Variants in MRPS28 observed in about 807,000 individuals in gnomAD.
MRPS28 encodes small ribosomal subunit protein bS1m.
MRPS28 carries 7 observed loss-of-function variants against 10.8 expected under a neutral mutation model. The ratio of observed to expected loss-of-function variants is 0.65; its 90% CI spans 0.37 to 1.22. The LOEUF (loss-of-function observed/expected upper bound fraction) is 1.22. Ranked by LOEUF, MRPS28 falls within the 50% of genes most tolerant of loss-of-function variation. MRPS28 has a pLI of 0.02. For missense variants in MRPS28, 265 were observed against 232.9 expected, an observed-to-expected ratio of 1.14 and a Z score of -0.90; for synonymous variants, 121 against 93.3, an observed-to-expected ratio of 1.30 and a Z score of -1.71.
intron 1 of MRPS28, among the ~76,000 whole-genome samples, chr8:80,013,499 T>C (rs1809109940): frequency 6.6e-6 from 1 of 150,994 alleles, no homozygotes; most frequent in African/African-American, 2.4e-5. Context: ...CCGGGTGAGG[T>C]GGTGCATGCC....
chr8:79,924,237 AT>A (rs1420874479), intron 2 of MRPS28, among the ~76,000 whole-genome samples: 1 of 152,358 alleles, frequency 6.6e-6, no homozygotes, highest in African/African-American at 2.4e-5. Context: ...AATCATTCAG[AT>A]ATTTTTCTGG....
At chr8:79,964,542 G>A (rs77071214) in intron 2 of MRPS28, among the ~76,000 whole-genome samples, 1 of 152,056 alleles carries the variant, frequency 6.6e-6, no homozygotes, top group Non-Finnish European at 1.5e-5. Flanking sequence ...ATGTGTTTTG[G>A]AATTAGACTA....
At chr8:79,936,407 G>C (rs1806606736) in intron 2 of MRPS28, among the ~76,000 whole-genome samples, 1 of 151,886 alleles carries the variant, frequency 6.6e-6, no homozygotes, top group East Asian at 1.9e-4. Flanking sequence ...TGGGCTAGTT[G>C]AGATTTTAAA....
chr8:80,020,267 C>T (rs1301206882), intron 1 of MRPS28, among the ~76,000 whole-genome samples: 3 of 152,102 alleles, frequency 2.0e-5, no homozygotes, highest in Non-Finnish European at 2.9e-5. Flanking sequence ...ATGTTTCTTA[C>T]TAGACTTAAA....
At chr8:79,963,519 T>C (rs1763420234) in intron 2 of MRPS28, among the ~76,000 whole-genome samples, 1 of 152,118 alleles carries the variant, frequency 6.6e-6, no homozygotes, top group African/African-American at 2.4e-5. Context: ...TAGCCTATGA[T>C]TACCCCCTTT....
chr8:79,998,068 A>AG (rs398008492), intron 2 of MRPS28, among the ~76,000 whole-genome samples: 1 of 150,316 alleles, frequency 6.7e-6, no homozygotes, highest in Non-Finnish European at 1.5e-5. Context: ...AAAAAAAAAA[A>AG]GAAAGAAAGA....
intron 2 of MRPS28, among the ~76,000 whole-genome samples, chr8:79,994,014 A>G (rs1039877620): frequency 2.6e-5 from 4 of 152,206 alleles, no homozygotes; most frequent in African/African-American, 9.6e-5. Context: ...GAAACCCTTC[A>G]ATTTTCAGAG....
At chr8:79,936,383 T>A (rs899492297) in intron 2 of MRPS28, among the ~76,000 whole-genome samples, 5 of 151,448 alleles carry the variant, frequency 3.3e-5, no homozygotes, top group Admixed American at 3.3e-4. Flanking sequence ...AACCTACCCA[T>A]GTTTGCAAAG....
chr8:79,919,255 A>T, intron 2 of MRPS28, 107 bp from the exon 3 acceptor site: 2 of 865,070 alleles, frequency 2.3e-6, no homozygotes, highest in Non-Finnish European at 3.2e-6. Context: ...TTAGCTCAAG[A>T]TGAAGTTAAC....
intron 1 of MRPS28, chr8:80,028,569 G>C (rs1194295179): frequency 6.8e-6 from 1 of 146,498 alleles, no homozygotes; most frequent in Non-Finnish European, 1.5e-5. Context: ...GTGGAATTAA[G>C]ATTGCTAATC....
intron 2 of MRPS28, among the ~76,000 whole-genome samples, chr8:79,989,410 G>A (rs1175508150): frequency 6.6e-6 from 1 of 152,110 alleles, no homozygotes; most frequent in Admixed American, 6.5e-5. Flanking sequence ...TAAGGACATA[G>A]AAGCAAAGAA....
intron 1 of MRPS28, among the ~76,000 whole-genome samples, chr8:80,025,772 G>A (rs970126863): frequency 7.2e-5 from 11 of 152,190 alleles, no homozygotes; most frequent in African/African-American, 1.9e-4. Context: ...GAGATACACA[G>A]ATATTAAGTA....
intron 2 of MRPS28, among the ~76,000 whole-genome samples, chr8:79,981,146 T>C (rs1807942155): frequency 6.6e-6 from 1 of 152,102 alleles, no homozygotes; most frequent in East Asian, 1.9e-4. Flanking sequence ...CTGGGCAATG[T>C]GGTGAAACTC....
intron 2 of MRPS28, among the ~76,000 whole-genome samples, chr8:79,927,653 C>T (rs1251499626): frequency 6.6e-6 from 1 of 152,218 alleles, no homozygotes; most frequent in African/African-American, 2.4e-5. Context: ...CCTCTCCTCT[C>T]CTCTCAACCC....
intron 1 of MRPS28, among the ~76,000 whole-genome samples, chr8:80,018,103 C>T (rs915852973): frequency 6.6e-6 from 1 of 151,946 alleles, no homozygotes; most frequent in African/African-American, 2.4e-5. Context: ...TCCTGGTTAA[C>T]ATGGTGAAAC....
chr8:79,944,858 T>A (rs1806865672), intron 2 of MRPS28, among the ~76,000 whole-genome samples: 1 of 151,980 alleles, frequency 6.6e-6, no homozygotes, highest in Non-Finnish European at 1.5e-5. Context: ...AATGCCCAGC[T>A]ATTTTTTTGT....
intron 2 of MRPS28, among the ~76,000 whole-genome samples, chr8:79,969,704 C>A (rs1390305682): frequency 6.6e-6 from 1 of 150,796 alleles, no homozygotes; most frequent in Non-Finnish European, 1.5e-5. Flanking sequence ...AGCAAAACCC[C>A]ACTATAAATT....
At chr8:80,014,978 GA>G (rs1270495472) in intron 1 of MRPS28, among the ~76,000 whole-genome samples, 1 of 152,188 alleles carries the variant, frequency 6.6e-6, no homozygotes, top group African/African-American at 2.4e-5. Flanking sequence ...GAGAACTACT[GA>G]AAAGAAGCCT....
chr8:79,932,456 C>T (rs1294501397), intron 2 of MRPS28, among the ~76,000 whole-genome samples: 2 of 152,030 alleles, frequency 1.3e-5, no homozygotes, highest in African/African-American at 4.8e-5. Context: ...AAAGTCGGTA[C>T]GTTCAAAACC....
Sources: allele counts gnomAD v4.1 joint callset (sites outside exome capture counted in the v4.1 genomes callset), GRCh38; gene constraint gnomAD v4.1.1; transcripts MANE v1.5; gene names NCBI Gene and HGNC (gene_info 2026-07-23, HGNC 2026-07-21).